Variants in GRIP1 observed in about 807,000 individuals in gnomAD.
GRIP1 encodes the protein glutamate receptor interacting protein 1.
GRIP1 carries 45 observed loss-of-function variants against 129.9 expected under a neutral mutation model. That is an observed-to-expected ratio of 0.35 (90% CI 0.27 to 0.44). GRIP1 has a LOEUF of 0.44. Ranked by LOEUF, GRIP1 falls within the 20% of genes least tolerant of loss-of-function variation. The pLI is 1.00. For synonymous variants in GRIP1, 530 were observed against 520.8 expected, an observed-to-expected ratio of 1.02 and a Z score of -0.24; for missense variants, 1,196 against 1,396.8, an observed-to-expected ratio of 0.86 and a Z score of 2.29.
chr12:66,513,339 A>T (rs923795596), intron 7 of GRIP1, among the ~76,000 whole-genome samples: 2 of 152,132 alleles, frequency 1.3e-5, no homozygotes, highest in Non-Finnish European at 2.9e-5. Flanking sequence ...TACATTTTAG[A>T]AACAGCTTAT....
chr12:66,958,624 G>A (rs1281271151), intron 1 of GRIP1, among the ~76,000 whole-genome samples: 3 of 152,136 alleles, frequency 2.0e-5, no homozygotes, highest in African/African-American at 7.2e-5. Flanking sequence ...AGCATAAATA[G>A]ATCTTCATGT....
At chr12:66,804,118 C>A in exon 1 of GRIP1, 1 of 455,930 alleles carries the variant, frequency 2.2e-6, no homozygotes, top group South Asian at 1.5e-5. Context: ...CTCTTCTGGT[C>A]GGTACTTTTT....
At chr12:66,673,631 A>T (rs1486713041) in intron 1 of GRIP1, among the ~76,000 whole-genome samples, 1 of 152,236 alleles carries the variant, frequency 6.6e-6, no homozygotes, top group Admixed American at 6.5e-5. Context: ...TATATAAACG[A>T]AAAGCTTCAG....
intron 1 of GRIP1, among the ~76,000 whole-genome samples, chr12:66,745,482 A>G (rs1193754020): frequency 1.3e-5 from 2 of 152,164 alleles, no homozygotes; most frequent in African/African-American, 2.4e-5. Flanking sequence ...TCTAAACACA[A>G]AGATAAGCAA....
chr12:67,066,888 T>TTATATATATATATATA (rs1555170033), intron 1 of GRIP1, among the ~76,000 whole-genome samples: 153 of 125,620 alleles, frequency 1.2e-3, no homozygotes, highest in East Asian at 1.9e-3. Context: ...AAATATATAT[T>TTATATATATATATATA]TATATATATA....
At chr12:66,887,050 T>C (rs12816952) in intron 1 of GRIP1, among the ~76,000 whole-genome samples, 32,777 of 152,150 alleles carry the variant, frequency 0.22, 4,198 homozygotes, top group East Asian at 0.29. Context: ...ATCTGGAAAG[T>C]TGGGGAATCG....
intron 7 of GRIP1, among the ~76,000 whole-genome samples, chr12:66,504,679 A>T (rs1049029541): frequency 6.6e-6 from 1 of 152,144 alleles, no homozygotes; most frequent in African/African-American, 2.4e-5. Context: ...ATAGAAAATC[A>T]TTGACTCCCC....
intron 1 of GRIP1, among the ~76,000 whole-genome samples, chr12:66,642,098 C>T (rs1325305613): frequency 6.6e-6 from 1 of 152,088 alleles, no homozygotes; most frequent in African/African-American, 2.4e-5. Context: ...AGCCAGTGGA[C>T]AGGTTCTTAC....
At chr12:66,817,216 A>G (rs1433217458) in intron 1 of GRIP1, among the ~76,000 whole-genome samples, 2 of 149,890 alleles carry the variant, frequency 1.3e-5, no homozygotes, top group African/African-American at 4.9e-5. Flanking sequence ...ACACACACAC[A>G]CACACACACA....
chr12:66,471,951 T>C (rs1169804160), intron 7 of GRIP1, among the ~76,000 whole-genome samples: 2 of 152,204 alleles, frequency 1.3e-5, no homozygotes, highest in Non-Finnish European at 2.9e-5. Flanking sequence ...TAGATGTCAA[T>C]CTTTTCTCTC....
chr12:67,061,409 C>G (rs185521072), intron 1 of GRIP1, among the ~76,000 whole-genome samples: 1 of 152,138 alleles, frequency 6.6e-6, no homozygotes, highest in Non-Finnish European at 1.5e-5. Flanking sequence ...TCAAGATGGT[C>G]GGTCTATACC....
chr12:66,652,470 T>G (rs2032870425), intron 1 of GRIP1, among the ~76,000 whole-genome samples: 1 of 152,164 alleles, frequency 6.6e-6, no homozygotes, highest in African/African-American at 2.4e-5. Flanking sequence ...CAAATTACCT[T>G]GGGTATTTCT....
At chr12:66,552,530 CT>C (rs1393466331) in intron 2 of GRIP1, among the ~76,000 whole-genome samples, 4 of 152,084 alleles carry the variant, frequency 2.6e-5, no homozygotes, top group Admixed American at 6.6e-5. Flanking sequence ...AATTAGGGTC[CT>C]TTCATTAGGC....
intron 1 of GRIP1, among the ~76,000 whole-genome samples, chr12:66,667,228 G>T (rs2033845921): frequency 6.6e-6 from 1 of 151,900 alleles, no homozygotes; most frequent in African/African-American, 2.4e-5. Context: ...CCTTAACTTT[G>T]TCAACTGTTT....
chr12:66,517,488 T>A (rs902953534), intron 6 of GRIP1, among the ~76,000 whole-genome samples: 6 of 152,062 alleles, frequency 3.9e-5, no homozygotes, highest in African/African-American at 1.2e-4. Flanking sequence ...CCACCACCTA[T>A]CTGTCCAGGC....
intron 1 of GRIP1, among the ~76,000 whole-genome samples, chr12:66,598,798 C>T (rs923851362): frequency 2.6e-5 from 4 of 152,124 alleles, no homozygotes; most frequent in Admixed American, 6.5e-5. Flanking sequence ...GGCTTAGGTA[C>T]GGCATCTTGG....
intron 2 of GRIP1, 135 bp from the exon 3 acceptor site, chr12:66,542,085 G>T: frequency 1.2e-6 from 1 of 828,156 alleles, no homozygotes; most frequent in Non-Finnish European, 2.1e-6. Context: ...GTAATTTGAA[G>T]AATATTTCAT....
At chr12:66,974,417 T>C (rs1834424562) in intron 1 of GRIP1, among the ~76,000 whole-genome samples, 1 of 152,188 alleles carries the variant, frequency 6.6e-6, no homozygotes, top group African/African-American at 2.4e-5. Context: ...CTTGTCCAAC[T>C]AGAATATAAG....
At chr12:67,043,869 A>AT (rs532992350) in intron 1 of GRIP1, among the ~76,000 whole-genome samples, 44 of 149,426 alleles carry the variant, frequency 2.9e-4, no homozygotes, top group African/African-American at 7.1e-4. Flanking sequence ...CTTGAAGTTT[A>AT]TTTTTTTTTT....
Sources: allele counts gnomAD v4.1 joint callset (sites outside exome capture counted in the v4.1 genomes callset), GRCh38; gene constraint gnomAD v4.1.1; transcripts MANE v1.5; gene names NCBI Gene and HGNC (gene_info 2026-07-23, HGNC 2026-07-21).